Variants in CCDC33 observed in about 807,000 individuals in gnomAD.
CCDC33 encodes the protein coiled-coil domain-containing protein 33.
Under a neutral mutation model 91.9 loss-of-function variants are expected in CCDC33, and 94 were observed. That is an observed-to-expected ratio of 1.02 (90% CI 0.87 to 1.21). CCDC33 has a LOEUF of 1.21. Ranked by LOEUF, CCDC33 falls within the 50% of genes most tolerant of loss-of-function variation. The pLI is 0.00. For missense variants in CCDC33, 940 were observed against 935.5 expected, an observed-to-expected ratio of 1.00 and a Z score of -0.06; for synonymous variants, 396 against 374.5, an observed-to-expected ratio of 1.06 and a Z score of -0.66.
intron 10 of CCDC33, among the ~76,000 whole-genome samples, chr15:74,283,289 G>A (rs911424045): frequency 6.6e-6 from 1 of 152,208 alleles, no homozygotes; most frequent in Admixed American, 6.5e-5. Flanking sequence ...TATAGAGTCT[G>A]CCTGTGGCCA....
rs143482619 is a variant in CCDC33, at chr15:74,244,178, G to A, written c.185+30G>A. 1,153 of 1,593,864 alleles carry A rather than the reference G, an allele frequency of 7.2e-4. 18 individuals carry two copies. In the East Asian group the frequency reaches 0.015, roughly 21 times the overall value. On this transcript the variant is annotated intron_variant, in intron 2 of 18. Transcript: ENST00000398814. The surrounding 1 kb of genome is among the most constrained non-coding windows in gnomAD (Gnocchi z 4.2). Reference sequence around the variant, plus strand: ...GTAGCTGCGTGAGAGTGGGGGCAGGGGATGGGTTGGGCTGTGAGCAGAAAC... The same window carrying A: ...GTAGCTGCGTGAGAGTGGGGGCAGGAGATGGGTTGGGCTGTGAGCAGAAAC...
intron 2 of CCDC33, among the ~76,000 whole-genome samples, chr15:74,257,514 C>G (rs749598552): frequency 6.6e-6 from 1 of 152,236 alleles, no homozygotes. Flanking sequence ...GGCTGGGGCT[C>G]TTCCCTCCTG....
chr15:74,244,206 G>T lies in CCDC33; in HGVS notation c.185+58G>T. The T allele has an allele frequency of 1.9e-6, 3 of 1,558,948 alleles. No individual in the cohort carries two copies. The highest frequency in any genetic ancestry group is 2.6e-6 in the Non-Finnish European group (3 of 1,149,240). On this transcript the variant is annotated intron_variant, in intron 2 of 18. Coordinates refer to ENST00000398814, the MANE Select transcript of CCDC33 (RefSeq NM_025055.5). This position sits in a 1 kb window ranked among gnomAD's most constrained non-coding sequence, Gnocchi z 4.2. ...TGGGTTGGGCTGTGAGCAGAAACCAGGGGACAGCTATTTGGAATACTAGCA... is the reference window on the plus strand; with the variant it reads ...TGGGTTGGGCTGTGAGCAGAAACCATGGGACAGCTATTTGGAATACTAGCA...
intron 2 of CCDC33, among the ~76,000 whole-genome samples, chr15:74,254,031 A>T (rs1251997120): frequency 6.6e-6 from 1 of 151,514 alleles, no homozygotes; most frequent in Non-Finnish European, 1.5e-5. Flanking sequence ...AATTTTATTT[A>T]TTTTATTTTT....
At chr15:74,228,699 T>C (rs2074874947) in intron 2 of CCDC33, among the ~76,000 whole-genome samples, 1 of 152,246 alleles carries the variant, frequency 6.6e-6, no homozygotes, top group African/African-American at 2.4e-5. Flanking sequence ...ATTATTTTAA[T>C]CTTCCTCTTA....
intron 11 of CCDC33, among the ~76,000 whole-genome samples, chr15:74,314,430 C>T (rs1188003799): frequency 3.3e-5 from 5 of 152,220 alleles, no homozygotes; most frequent in African/African-American, 1.2e-4. Context: ...TGGAAGGAGA[C>T]ACACTCTTGC....
intron 11 of CCDC33, among the ~76,000 whole-genome samples, chr15:74,308,550 G>A (rs1029446780): frequency 1.4e-4 from 22 of 152,206 alleles, no homozygotes; most frequent in Non-Finnish European, 3.2e-4. Context: ...GGAAGGGGCT[G>A]AGACCCGAGT....
At chr15:74,318,632 G>GC (rs766960695) in intron 11 of CCDC33, 1 of 763,218 alleles carries the variant, frequency 1.3e-6, no homozygotes, top group South Asian at 1.4e-5. Flanking sequence ...CCCCAAGGCT[G>GC]CCCCAGGCCT....
upstream of CCDC33, among the ~76,000 whole-genome samples, chr15:74,215,898 G>A (rs1274448972): frequency 6.6e-6 from 1 of 151,272 alleles, no homozygotes; most frequent in Admixed American, 6.6e-5. Flanking sequence ...AAGAAAGAAA[G>A]AAAGAAAGAA....
chr15:74,310,099 G>A (rs2059963160), intron 11 of CCDC33, among the ~76,000 whole-genome samples: 1 of 152,120 alleles, frequency 6.6e-6, no homozygotes, highest in South Asian at 2.1e-4. Context: ...TGCGGGCAGT[G>A]AGCCATGTGC....
chr15:74,268,499 G>GGGGGGGGGGGGGC, intron 5 of CCDC33, 41 bp downstream of exon 5: 1 of 1,236,368 alleles, frequency 8.1e-7, no homozygotes, highest in Non-Finnish European at 1.2e-6. Flanking sequence ...GTGGGGGTGG[G>GGGGGGGGGGGGGC]AAAGGGCCAA....
chr15:74,215,749 A>G (rs903064163), upstream of CCDC33, among the ~76,000 whole-genome samples: 4 of 152,002 alleles, frequency 2.6e-5, no homozygotes, highest in Non-Finnish European at 5.9e-5. Flanking sequence ...GCATGCCTGT[A>G]ATCCCGGCTA....
intron 2 of CCDC33, chr15:74,209,720 C>A: frequency 2.3e-6 from 1 of 434,396 alleles, no homozygotes; most frequent in Non-Finnish European, 4.1e-6. Flanking sequence ...TCTCCCTACC[C>A]CTCCCTCCCC....
At chr15:74,279,715 T>G (rs1457693925) in intron 7 of CCDC33, among the ~76,000 whole-genome samples, 3 of 152,112 alleles carry the variant, frequency 2.0e-5, no homozygotes, top group Non-Finnish European at 2.9e-5. Flanking sequence ...TTTTGTATTT[T>G]TAGTAGAGAC....
At chr15:74,323,446 C>A (rs561538982) in intron 11 of CCDC33, among the ~76,000 whole-genome samples, 37 of 152,236 alleles carry the variant, frequency 2.4e-4, no homozygotes, top group African/African-American at 8.4e-4. Flanking sequence ...ATGCCCCTCC[C>A]AGCCACACCC....
At chr15:74,296,056 C>A (rs1029028842) in intron 11 of CCDC33, 108 bp downstream of exon 11, 8 of 902,774 alleles carry the variant, frequency 8.9e-6, no homozygotes, top group East Asian at 8.2e-5. Flanking sequence ...GGCCAGTAGA[C>A]CTCCCTCCCC....
chr15:74,268,848 T>C (rs2076241882), intron 5 of CCDC33, among the ~76,000 whole-genome samples: 1 of 152,234 alleles, frequency 6.6e-6, no homozygotes, highest in Admixed American at 6.5e-5. Context: ...CCCAGCAGTT[T>C]CCTGCTCTAT....
At chr15:74,236,855 T>C (rs979636200) in intron 1 of CCDC33, 115 bp downstream of exon 1, 1 of 1,052,548 alleles carries the variant, frequency 9.5e-7, no homozygotes, top group Non-Finnish European at 1.4e-6. Context: ...TCCCTGGGTC[T>C]CAGTTTTCAC....
chr15:74,256,974 T>C (rs775865700), intron 2 of CCDC33, among the ~76,000 whole-genome samples: 8 of 152,172 alleles, frequency 5.3e-5, no homozygotes, highest in Non-Finnish European at 1.2e-4. Flanking sequence ...AGAGTGCTTC[T>C]CAGAGTTTCT....
Sources: gnomAD v4.1 joint callset for allele counts (sites outside exome capture counted in the v4.1 genomes callset) on GRCh38, gnomAD v4.1.1 for gene constraint, Gnocchi (gnomAD v3.1) non-coding constraint, MANE v1.5 for transcripts, NCBI Gene and HGNC (gene_info 2026-07-23, HGNC 2026-07-21) for gene names.